Variants in MYO3B observed in about 807,000 individuals in gnomAD.
MYO3B encodes myosin-IIIb.
In MYO3B, 156 loss-of-function variants were observed where a neutral mutation model predicts 174.6. The observed-to-expected ratio is 0.89, with a 90% confidence interval of 0.78 to 1.02. The LOEUF (loss-of-function observed/expected upper bound fraction) is 1.02. Among genes scored for constraint, MYO3B ranks in the 50% least tolerant of loss-of-function variants. The pLI, the probability that MYO3B is intolerant of heterozygous loss-of-function variation, is 0.00. For missense variants in MYO3B, 1,632 were observed against 1,639.4 expected, an observed-to-expected ratio of 1.00 and a Z score of 0.08; for synonymous variants, 563 against 569.1, an observed-to-expected ratio of 0.99 and a Z score of 0.15.
chr2:170,586,650 G>T (rs1693515598), intron 32 of MYO3B, among the ~76,000 whole-genome samples: 1 of 152,140 alleles, frequency 6.6e-6, no homozygotes, highest in Non-Finnish European at 1.5e-5. Flanking sequence ...GAGATGAAAA[G>T]TTCTTAATTT....
At chr2:170,557,610 A>G (rs903380216) in intron 32 of MYO3B, among the ~76,000 whole-genome samples, 2 of 152,154 alleles carry the variant, frequency 1.3e-5, no homozygotes, top group African/African-American at 4.8e-5. Flanking sequence ...GGCAGACACT[A>G]TGTTTGATAT....
intron 7 of MYO3B, among the ~76,000 whole-genome samples, chr2:170,283,347 G>C (rs1308752456): frequency 6.6e-6 from 1 of 152,152 alleles, no homozygotes; most frequent in Non-Finnish European, 1.5e-5. Flanking sequence ...TCCCAGCTGG[G>C]CTGTCACTTG....
At chr2:170,560,968 C>A (rs1691672696) in intron 32 of MYO3B, among the ~76,000 whole-genome samples, 1 of 152,196 alleles carries the variant, frequency 6.6e-6, no homozygotes, top group Non-Finnish European at 1.5e-5. Context: ...TCCTTCACTG[C>A]TGTATTTACC....
chr2:170,299,611 A>G (rs1469499508), intron 7 of MYO3B, among the ~76,000 whole-genome samples: 2 of 152,230 alleles, frequency 1.3e-5, no homozygotes, highest in Non-Finnish European at 2.9e-5. Context: ...CACTTTTCAG[A>G]AAGGGAAACT....
intron 7 of MYO3B, among the ~76,000 whole-genome samples, chr2:170,279,986 A>G (rs905712347): frequency 6.6e-6 from 1 of 152,162 alleles, no homozygotes; most frequent in African/African-American, 2.4e-5. Context: ...ATATCCAGTA[A>G]TGGATTGTTG....
At chr2:170,228,696 A>T (rs908351212) in intron 6 of MYO3B, among the ~76,000 whole-genome samples, 1 of 152,144 alleles carries the variant, frequency 6.6e-6, no homozygotes, top group Non-Finnish European at 1.5e-5. Flanking sequence ...GCGTGCTTTG[A>T]GTGTTTTTAA....
chr2:170,563,221 A>G (rs1691860815), intron 32 of MYO3B, among the ~76,000 whole-genome samples: 1 of 152,126 alleles, frequency 6.6e-6, no homozygotes, highest in African/African-American at 2.4e-5. Context: ...GGATAATTGG[A>G]GTATTGTTTA....
intron 30 of MYO3B, among the ~76,000 whole-genome samples, chr2:170,536,880 G>C (rs1043271895): frequency 6.6e-6 from 1 of 151,938 alleles, no homozygotes; most frequent in Non-Finnish European, 1.5e-5. Flanking sequence ...CCTCCCTCAA[G>C]ATTCTTGGGG....
intron 30 of MYO3B, among the ~76,000 whole-genome samples, chr2:170,542,434 T>A (rs1690176323): frequency 6.6e-6 from 1 of 152,214 alleles, no homozygotes; most frequent in Non-Finnish European, 1.5e-5. Context: ...TATATTGTAA[T>A]TTTAAAAGAT....
chr2:170,252,273 G>A (rs1190101163), intron 7 of MYO3B, among the ~76,000 whole-genome samples: 5 of 152,154 alleles, frequency 3.3e-5, no homozygotes, highest in African/African-American at 9.7e-5. Flanking sequence ...TATCTACAAG[G>A]AAATAGTTCA....
intron 16 of MYO3B, among the ~76,000 whole-genome samples, chr2:170,396,068 C>A (rs545744418): frequency 6.8e-4 from 104 of 152,296 alleles, no homozygotes; most frequent in African/African-American, 2.5e-3. Context: ...AGTTTATACC[C>A]ATCAACAATA....
rs559086883 is a variant in MYO3B at position 170,537,448 on chromosome 2, A to ATTTTTTTTTTTTTTTTTTTTT, written c.3576-5445_3576-5425dup. Among the ~76,000 whole-genome samples the ATTTTTTTTTTTTTTTTTTTTT allele has an allele frequency of 2.0e-4, 11 of 54,822 alleles. 1 individual carries two copies. The East Asian group carries it at 5.1e-3, about 25-fold the overall frequency. The allele number at this position is 54,822 out of a possible 152,430, so 36.0% of individuals were successfully genotyped here. A position where few individuals can be genotyped will look rare whatever the true frequency, so the allele number is the denominator to read the frequency against. On this transcript the variant is annotated intron_variant, in intron 30 of 34. Coordinates refer to ENST00000408978, the MANE Select transcript of MYO3B (RefSeq NM_138995.5). ...ACCTTCTCTTATTAAGAGCTCTTTG[A>ATTTTTTTTTTTTTTTTTTTTT]TTTTTTTTTTTTTTTTTTTTTTTTT...
At chr2:170,399,055 C>T (rs909894018) in intron 16 of MYO3B, among the ~76,000 whole-genome samples, 1 of 151,648 alleles carries the variant, frequency 6.6e-6, no homozygotes, top group Non-Finnish European at 1.5e-5. Context: ...AGACCAGCCT[C>T]AACATGGAGA....
intron 8 of MYO3B, among the ~76,000 whole-genome samples, chr2:170,354,561 T>G (rs925449545): frequency 2.6e-5 from 4 of 152,158 alleles, no homozygotes; most frequent in Non-Finnish European, 5.9e-5. Context: ...CAGAAACCCA[T>G]GCATAGAGTT....
chr2:170,392,593 C>G, intron 16 of MYO3B, 98 bp downstream of exon 16: 4 of 721,030 alleles, frequency 5.5e-6, no homozygotes, highest in South Asian at 3.3e-5. Context: ...CACTTGCTTT[C>G]AAATGCCATG....
chr2:170,502,079 G>A (rs1687308526), intron 28 of MYO3B, among the ~76,000 whole-genome samples: 1 of 152,162 alleles, frequency 6.6e-6, no homozygotes, highest in South Asian at 2.1e-4. Flanking sequence ...ACTTGGCTAA[G>A]GATGCTCTGA....
chr2:170,653,914 A>C lies in MYO3B; in HGVS notation c.*793A>C, dbSNP rs541655313. On this transcript the variant is annotated 3_prime_UTR_variant, in exon 35 of 35. Coordinates refer to ENST00000408978, the MANE Select transcript of MYO3B (RefSeq NM_138995.5). ...TCTGTAACTCTCCATTCACTGGTCAAATAACTCCATGAGGCTATCAGTGGC... is the reference window on the plus strand; with the variant it reads ...TCTGTAACTCTCCATTCACTGGTCACATAACTCCATGAGGCTATCAGTGGC... 6.6e-6 allele frequency: 1 copy of C among 152,232 alleles called. No homozygotes were observed. Among genetic ancestry groups the C allele is most frequent in the African/African-American group, 2.4e-5 (1 of 41,466 alleles). 9.4% of individuals were successfully genotyped at this position (152,232 alleles called of 1,614,324 possible). A position where few individuals can be genotyped will look rare whatever the true frequency, so the allele number is the denominator to read the frequency against.
At chr2:170,481,536 AC>A (rs1258522202) in intron 25 of MYO3B, among the ~76,000 whole-genome samples, 1 of 152,206 alleles carries the variant, frequency 6.6e-6, no homozygotes, top group Non-Finnish European at 1.5e-5. Flanking sequence ...TGATTGTGCC[AC>A]TGCACTCCAG....
chr2:170,211,771 C>G (rs1485396730), intron 3 of MYO3B, among the ~76,000 whole-genome samples: 2 of 152,138 alleles, frequency 1.3e-5, no homozygotes, highest in African/African-American at 4.8e-5. Flanking sequence ...GCACACAAAA[C>G]AAGATGGAGG....
Sources: allele counts gnomAD v4.1 joint callset (sites outside exome capture counted in the v4.1 genomes callset), GRCh38; gene constraint gnomAD v4.1.1; transcripts MANE v1.5; gene names NCBI Gene and HGNC (gene_info 2026-07-23, HGNC 2026-07-21).